Variants in ZSCAN5A observed in about 807,000 individuals in gnomAD.
ZSCAN5A encodes zinc finger and SCAN domain containing 5A, also known as zinc finger and SCAN domain-containing protein 5A.
Under a neutral mutation model 23.7 loss-of-function variants are expected in ZSCAN5A, and 12 were observed. The ratio of observed to expected loss-of-function variants is 0.51; its 90% CI spans 0.32 to 0.82. ZSCAN5A has a LOEUF of 0.82. Among genes scored for constraint, ZSCAN5A ranks in the 40% least tolerant of loss-of-function variants. ZSCAN5A has a pLI of 0.03. For missense variants in ZSCAN5A, 597 were observed against 617.9 expected, an observed-to-expected ratio of 0.97 and a Z score of 0.36; for synonymous variants, 257 against 239.9, an observed-to-expected ratio of 1.07 and a Z score of -0.66.
At chr19:56,272,563 G>A (rs2037928584) in intron 2 of ZSCAN5A, among the ~76,000 whole-genome samples, 1 of 152,196 alleles carries the variant, frequency 6.6e-6, no homozygotes, top group South Asian at 2.1e-4. Flanking sequence ...CAGGAGGAGG[G>A]CAGGATTTGG....
rs1356860825 is a variant in ZSCAN5A at position 56,263,029 on chromosome 19, CATAGAGACACTTG to C, written c.-127-37869_-127-37857del. On this transcript the variant is annotated intron_variant, in intron 2 of 5. Coordinates refer to ENST00000683990, the MANE Select transcript of ZSCAN5A (RefSeq NM_001322064.3). ...TAAGGTAGGAGTATGTATTACTGAA[CATAGAGACACTTG>C]GTAGAGACTCCTCACATGCACATCT... 2.0e-5 allele frequency among the ~76,000 whole-genome samples: 3 copies of C among 152,160 alleles called. No individual in the cohort carries two copies. The East Asian group carries it at 5.8e-4, about 29-fold the overall frequency.
chr19:56,305,189 A>C (rs1016709631), intron 2 of ZSCAN5A, among the ~76,000 whole-genome samples: 1 of 152,186 alleles, frequency 6.6e-6, no homozygotes, highest in Non-Finnish European at 1.5e-5. Flanking sequence ...CATCACCACT[A>C]ATCTGTTTCC....
chr19:56,257,705 G>T (rs1330413698), intron 2 of ZSCAN5A, among the ~76,000 whole-genome samples: 1 of 133,028 alleles, frequency 7.5e-6, no homozygotes, highest in East Asian at 2.3e-4. Flanking sequence ...GGCGCCGGGG[G>T]ACTCTGCAAG....
rs755725806 is a variant in ZSCAN5A at position 56,221,968 on chromosome 19, C to T, written c.1098G>A (p.Thr366=). The change falls in exon 6 of 6, where the codon ACG becomes ACA. Residue 366 remains threonine, a synonymous_variant. Transcript: ENST00000683990. The part of the protein sequence containing the change: ...FACDVCEKRF[T]CNSKLVIHKR... ...TGTGGATGACTAGCTTGGAATTACA[C>T]GTAAACCTCTTCTCGCACACGTCAC... The T allele has an allele frequency of 3.4e-5, 55 of 1,614,088 alleles. 1 individual carries two copies. The highest frequency in any genetic ancestry group is 1.6e-4 in the East Asian group (7 of 44,896).
At position 56,321,047 on chromosome 19, in the gene ZSCAN5A, G is replaced by C. The variant is rs73626790; in HGVS notation, c.-357-4779C>G. The C allele has an allele frequency of 3.4e-3, 2,426 of 705,506 alleles. 47 individuals carry two copies. The African/African-American group carries it at 0.037, about 11-fold the overall frequency. The allele number at this position is 705,506 out of a possible 1,614,324, so 43.7% of individuals were successfully genotyped here. ...GTAATAAGACTTCTCTCACTGACAT[G>C]GACAACATGATTTCAGGAGATAGAC... On this transcript the variant is annotated intron_variant, in intron 2 of 6. Coordinates refer to the ZSCAN5A transcript ENST00000587340.
At chr19:56,343,218 C>G (rs2147451095) in intron 2 of ZSCAN5A, 1 of 791,162 alleles carries the variant, frequency 1.3e-6, no homozygotes, top group Non-Finnish European at 2.1e-6. Context: ...ATATCCAAAG[C>G]AACTTCTTTC....
At chr19:56,342,751 C>T in intron 2 of ZSCAN5A, 1 of 687,008 alleles carries the variant, frequency 1.5e-6, no homozygotes, top group East Asian at 2.5e-5. Flanking sequence ...ATTCATCATC[C>T]AAGGCCAACC....
At chr19:56,234,699 G>T (rs1219088512) in intron 2 of ZSCAN5A, among the ~76,000 whole-genome samples, 1 of 146,192 alleles carries the variant, frequency 6.8e-6, no homozygotes, top group Admixed American at 6.9e-5. Flanking sequence ...TCTGACCACC[G>T]GTGCATGCAG....
chr19:56,237,803 G>A (rs895880171), intron 2 of ZSCAN5A, among the ~76,000 whole-genome samples: 1 of 152,022 alleles, frequency 6.6e-6, no homozygotes, highest in African/African-American at 2.4e-5. Flanking sequence ...TGTATTCCCA[G>A]CTGCTTGGGA....
intron 2 of ZSCAN5A, chr19:56,297,591 G>T: frequency 1.2e-5 from 11 of 913,766 alleles, no homozygotes; most frequent in Non-Finnish European, 1.3e-5. Flanking sequence ...TTCTGTCTGG[G>T]CTATGATAAA....
At chr19:56,327,878 A>G (rs894745375) in intron 2 of ZSCAN5A, among the ~76,000 whole-genome samples, 4 of 152,118 alleles carry the variant, frequency 2.6e-5, no homozygotes, top group Admixed American at 2.0e-4. Context: ...ATACGTGTAT[A>G]TATTTCCCAT....
intron 2 of ZSCAN5A, among the ~76,000 whole-genome samples, chr19:56,226,879 C>G (rs759793700): frequency 6.6e-6 from 1 of 151,940 alleles, no homozygotes; most frequent in Non-Finnish European, 1.5e-5. Context: ...TATACTCATG[C>G]AACAAATCTG....
chr19:56,303,262 G>A (rs575864723), intron 2 of ZSCAN5A, among the ~76,000 whole-genome samples: 54 of 152,106 alleles, frequency 3.6e-4, no homozygotes, highest in African/African-American at 5.5e-4. Context: ...GCTGGATCAC[G>A]AGGTCAGGAG....
intron 2 of ZSCAN5A, among the ~76,000 whole-genome samples, chr19:56,247,868 C>T (rs150947660): frequency 0.08 from 12,189 of 151,856 alleles, 579 homozygotes; most frequent in South Asian, 0.18. Flanking sequence ...ATTTTTTGTA[C>T]TTTTAGTAGA....
rs955771409 is a variant in ZSCAN5A, at chr19:56,352,966, C to T, written c.-358+10269G>A. ...TAATACATTTTCAGGGGGAAGAGGG[C>T]TGTCCTGTGCATTGTAGGATGTTTA... On this transcript the variant is annotated intron_variant, in intron 2 of 6. Coordinates refer to the ZSCAN5A transcript ENST00000587340. The surrounding 1 kb of genome is among the most constrained non-coding windows in gnomAD (Gnocchi z 4.2). Among the ~76,000 whole-genome samples, 4 of 152,180 alleles carry T rather than the reference C, an allele frequency of 2.6e-5. No homozygotes were observed. Among genetic ancestry groups the T allele is most frequent in the South Asian group, 2.1e-4 (1 of 4,832 alleles).
At chr19:56,246,611 A>G in intron 2 of ZSCAN5A, 1 of 680,824 alleles carries the variant, frequency 1.5e-6, no homozygotes, top group East Asian at 2.5e-5. Flanking sequence ...CCTACGGTCC[A>G]ATGTCTTAGG....
At chr19:56,301,197 T>C (rs557192185) in intron 2 of ZSCAN5A, among the ~76,000 whole-genome samples, 1 of 152,348 alleles carries the variant, frequency 6.6e-6, no homozygotes, top group African/African-American at 2.4e-5. Context: ...GGCTACTCCA[T>C]AGGCAGAGCA....
intron 2 of ZSCAN5A, among the ~76,000 whole-genome samples, chr19:56,232,725 C>T (rs1310366192): frequency 6.6e-6 from 1 of 152,052 alleles, no homozygotes; most frequent in Non-Finnish European, 1.5e-5. Context: ...GTTGCCCAGG[C>T]TGAAGCACAG....
intron 1 of ZSCAN5A, among the ~76,000 whole-genome samples, chr19:56,365,432 T>C (rs1158292804): frequency 1.3e-5 from 2 of 152,312 alleles, no homozygotes; most frequent in East Asian, 3.9e-4. Flanking sequence ...AGTTTCCCTA[T>C]ACAACATGGT....
Sources: allele counts gnomAD v4.1 joint callset (sites outside exome capture counted in the v4.1 genomes callset), GRCh38; gene constraint gnomAD v4.1.1; non-coding constraint Gnocchi (gnomAD v3.1); transcripts MANE v1.5; gene names NCBI Gene and HGNC (gene_info 2026-07-23, HGNC 2026-07-21).